MYH9: variants seen among roughly 807,000 people sequenced by gnomAD.
The protein encoded by MYH9 is myosin heavy chain 9.
A neutral mutation model predicts 241.9 loss-of-function variants in MYH9; 29 were observed. The ratio of observed to expected loss-of-function variants is 0.12; its 90% confidence interval spans 0.09 to 0.16. MYH9 has a LOEUF of 0.16. Ranked by LOEUF, MYH9 falls within the 10% of genes least tolerant of loss-of-function variation. The probability of loss-of-function intolerance (pLI) is 1.00; values close to 1 mark genes in which losing one functional copy is unlikely to be tolerated. For missense variants in MYH9, 1,803 were observed against 2,595.5 expected (o/e 0.69, Z 6.63); for synonymous variants, 1,047 against 1,062.6 (o/e 0.99, Z 0.29).
chr22:36,296,092 C>T (rs1249529200), intron 25 of MYH9, among the ~76,000 whole-genome samples: 1 of 152,182 alleles, frequency 6.6e-6, no homozygotes, highest in Non-Finnish European at 1.5e-5. Context: ...GACAGGTCAA[C>T]GTAGGTTCAC....
chr22:36,332,347 G>T (rs1403743609), intron 3 of MYH9, among the ~76,000 whole-genome samples: 1 of 152,228 alleles, frequency 6.6e-6, no homozygotes, highest in Non-Finnish European at 1.5e-5. Context: ...TGTGCCGAGT[G>T]GGGTGGAGCT....
At chr22:36,373,263 T>C (rs572958643) in intron 1 of MYH9, among the ~76,000 whole-genome samples, 108 of 152,262 alleles carry the variant, frequency 7.1e-4, no homozygotes, top group African/African-American at 2.5e-3. Flanking sequence ...TGCCCTCAGC[T>C]GCCCCTGCTC....
At position 36,320,005 on chromosome 22, in the gene MYH9, T is replaced by C. The variant is rs2017224960; in HGVS notation, c.1012+215A>G. ...CGAGTCCTGGGCAGTTAAGAACATG[T>C]CCTTTGCACCCTTTCTGAATGCCTG... On this transcript the variant is annotated intron_variant, in intron 9 of 40. Transcript: ENST00000216181. This position sits in a 1 kb window ranked among gnomAD's most constrained non-coding sequence, Gnocchi z 4.8. Among the ~76,000 whole-genome samples the C allele has an allele frequency of 6.6e-6, 1 of 152,160 alleles. No homozygotes were observed. Among genetic ancestry groups the C allele is most frequent in the South Asian group, 2.1e-4 (1 of 4,836 alleles).
chr22:36,297,579 C>T (rs2146340428), intron 24 of MYH9, among the ~76,000 whole-genome samples: 1 of 152,312 alleles, frequency 6.6e-6, no homozygotes, highest in African/African-American at 2.4e-5. Context: ...GATGGTTATT[C>T]CCTGCCGTGC....
chr22:36,321,168 C>A (rs569218329), intron 7 of MYH9, among the ~76,000 whole-genome samples: 1 of 152,186 alleles, frequency 6.6e-6, no homozygotes, highest in Non-Finnish European at 1.5e-5. Flanking sequence ...TGGTCTTGAA[C>A]TCCTGACCTC....
At chr22:36,284,374 C>T (rs375306872) in intron 39 of MYH9, 29 bp downstream of exon 39, 97 of 1,609,802 alleles carry the variant, frequency 6.0e-5, no homozygotes, top group Non-Finnish European at 7.5e-5. Flanking sequence ...GCCCCGCTGC[C>T]CTTCTCACTG....
chr22:36,310,269 C>A (rs1167054270), intron 14 of MYH9, among the ~76,000 whole-genome samples: 63 of 133,854 alleles, frequency 4.7e-4, no homozygotes, highest in African/African-American at 7.6e-4. Flanking sequence ...GACTCCGTCT[C>A]AAAAAAAAAA....
chr22:36,335,702 G>A (rs917232985), intron 3 of MYH9, among the ~76,000 whole-genome samples: 6 of 152,198 alleles, frequency 3.9e-5, no homozygotes, highest in African/African-American at 1.4e-4. Context: ...CACTGAGCTG[G>A]AGATAAGAAT....
At chr22:36,349,542 C>T in intron 1 of MYH9, among the ~76,000 whole-genome samples, 1 of 152,164 alleles carries the variant, frequency 6.6e-6, no homozygotes, top group Non-Finnish European at 1.5e-5. Context: ...CCAGCCTGGC[C>T]AACCTGGTGA....
intron 3 of MYH9, among the ~76,000 whole-genome samples, chr22:36,334,515 G>A (rs1603483723): frequency 6.6e-6 from 1 of 152,358 alleles, no homozygotes; most frequent in Non-Finnish European, 1.5e-5. Context: ...GTCTGCTATC[G>A]CGTTCCAGTG....
chr22:36,317,205 C>T (rs1461481557), intron 11 of MYH9, among the ~76,000 whole-genome samples: 1 of 152,186 alleles, frequency 6.6e-6, no homozygotes, highest in Admixed American at 6.5e-5. Context: ...AAGCCGCCTA[C>T]GTGATGGGCA....
intron 20 of MYH9, 147 bp downstream of exon 20, chr22:36,302,421 G>T: frequency 1.5e-6 from 1 of 673,822 alleles, no homozygotes; most frequent in East Asian, 2.9e-5. Flanking sequence ...GCTGAGGTAG[G>T]AGGATTGCTG....
At chr22:36,310,048 G>C (rs182029423) in intron 14 of MYH9, among the ~76,000 whole-genome samples, 197 of 150,968 alleles carry the variant, frequency 1.3e-3, no homozygotes, top group African/African-American at 4.7e-3. Context: ...TCAGGAGTTC[G>C]AGACCAGCCT....
intron 3 of MYH9, among the ~76,000 whole-genome samples, chr22:36,334,661 G>C (rs1191978855): frequency 2.6e-5 from 4 of 152,216 alleles, no homozygotes; most frequent in African/African-American, 7.2e-5. Flanking sequence ...GCGAGCAGGA[G>C]TGTGGACGGA....
At position 36,288,210 on chromosome 22, in the gene MYH9, TCGGGTGCCGCCCACCCTCA is replaced by T; in HGVS notation, c.4932+23_4932+41del. ...GCACCTTCATATGTAGTTGGCTCAG[TCGGGTGCCGCCCACCCTCA>T]CCTGGGCCCCGCCCACCCTTACCTG... On this transcript the variant is annotated intron_variant, in intron 34 of 40. Transcript: ENST00000216181. The surrounding 1 kb of genome is among the most constrained non-coding windows in gnomAD (Gnocchi z 4.8). 1 of 1,610,592 alleles carries T rather than the reference TCGGGTGCCGCCCACCCTCA, an allele frequency of 6.2e-7. No homozygotes were observed. The highest frequency in any genetic ancestry group is 1.7e-5 in the Admixed American group (1 of 60,010).
intron 24 of MYH9, among the ~76,000 whole-genome samples, chr22:36,298,711 G>A (rs1485936526): frequency 1.3e-5 from 2 of 152,220 alleles, no homozygotes; most frequent in African/African-American, 4.8e-5. Context: ...ACAGGGGCCT[G>A]GAGGCTCAGG....
intron 2 of MYH9, among the ~76,000 whole-genome samples, chr22:36,344,927 A>G (rs920034395): frequency 6.6e-6 from 1 of 152,230 alleles, no homozygotes; most frequent in African/African-American, 2.4e-5. Context: ...GGAGAGAAAC[A>G]GGAGTTATTT....
chr22:36,319,182 G>C (rs946578957), intron 10 of MYH9, among the ~76,000 whole-genome samples: 6 of 152,200 alleles, frequency 3.9e-5, no homozygotes, highest in Admixed American at 6.5e-5. Flanking sequence ...CAAAGGGGCT[G>C]AATCGGGTGT....
intron 1 of MYH9, among the ~76,000 whole-genome samples, chr22:36,384,614 ATATATATATATATATATATATATATAT>A (rs2018318930): frequency 5.4e-5 from 1 of 18,662 alleles, no homozygotes; most frequent in African/African-American, 2.4e-4. Flanking sequence ...AAAAAAAAAT[ATATATATATATATATATATATATATAT>A]ATATATATAT....
Sources: gnomAD v4.1 joint callset for allele counts (sites outside exome capture counted in the v4.1 genomes callset) on GRCh38, gnomAD v4.1.1 for gene constraint, Gnocchi (gnomAD v3.1) non-coding constraint, MANE v1.5 for transcripts, NCBI Gene and HGNC (gene_info 2026-07-23, HGNC 2026-07-21) for gene names.